The following NBPF3 variants were observed in gnomAD, a reference collection of about 807,000 sequenced individuals.
NBPF3 encodes NBPF member 3, also known as NBPF family member NBPF3.
Under a neutral mutation model 78.1 loss-of-function variants are expected in NBPF3, and 57 were observed. The observed-to-expected ratio is 0.73, with a 90% CI of 0.59 to 0.91. The LOEUF is 0.91. NBPF3 is among the 40% of genes least tolerant of loss of function. The pLI is 0.00. For missense variants in NBPF3, 510 were observed against 715.3 expected (o/e 0.71, Z 3.27); for synonymous variants, 182 against 271.7 (o/e 0.67, Z 3.25).
At position 21,460,420 on chromosome 1, in the gene NBPF3, T is replaced by C. The variant is rs1162583349; in HGVS notation, c.134-8268T>C. 6.6e-6 allele frequency among the ~76,000 whole-genome samples: 1 copy of C among 152,172 alleles called. No individual in the cohort carries two copies. The highest frequency in any genetic ancestry group is 1.5e-5 in the Non-Finnish European group (1 of 68,024). On this transcript the variant is annotated intron_variant, in intron 2 of 14. Coordinates refer to ENST00000318249, the MANE Select transcript of NBPF3 (RefSeq NM_032264.6). This position sits in a 1 kb window ranked among gnomAD's most constrained non-coding sequence, Gnocchi z 4.2. The stretch of plus-strand genomic sequence containing the variant: ...CCGTGGTGTGTGATGTTCCCCGCCC[T>C]GTGTCCAAGTGTTCTCATTGTTCAG...
intron 2 of NBPF3, among the ~76,000 whole-genome samples, chr1:21,447,753 C>G (rs1298953510): frequency 6.6e-6 from 1 of 152,214 alleles, no homozygotes; most frequent in Non-Finnish European, 1.5e-5. Context: ...TCCAAAGTGA[C>G]AGTACCCTTT....
At chr1:21,454,597 C>G (rs1641494642) in intron 2 of NBPF3, among the ~76,000 whole-genome samples, 1 of 152,146 alleles carries the variant, frequency 6.6e-6, no homozygotes, top group South Asian at 2.1e-4. Flanking sequence ...TCTTCTTCCT[C>G]TGAATTGAAC....
rs769337272 is a variant in NBPF3 at position 21,473,527 on chromosome 1, A to G, written c.882A>G (p.Ser294=). The change falls in exon 7 of 15, where the codon TCA becomes TCG. Residue 294 remains serine (S), a synonymous_variant. Coordinates refer to ENST00000318249, the MANE Select transcript of NBPF3 (RefSeq NM_032264.6). ...RITFEEDQVD[S]TLIDSSSHDE... ...CATTTGAGGAAGACCAAGTCGACTC[A>G]ACTCTCATTGACTCATCCTCTCATG... is the stretch of plus-strand genomic sequence containing the variant. 4.1e-5 allele frequency: 66 copies of G among 1,614,080 alleles called. No homozygotes were observed. The highest frequency in any genetic ancestry group is 5.1e-5 in the Non-Finnish European group (60 of 1,180,038).
rs148261967 is a variant in NBPF3 at position 21,457,348 on chromosome 1, GTATATATATATATA to G, written c.134-11338_134-11325del. Among the ~76,000 whole-genome samples the G allele has an allele frequency of 3.9e-4, 43 of 109,630 alleles. 1 individual carries two copies. In the South Asian group the frequency reaches 0.01, roughly 26 times the overall value. 71.9% of individuals were successfully genotyped at this position (109,630 alleles called of 152,430 possible). ...CAAAGGGTTTTTAGAGTGTGTGTGT[GTATATATATATATA>G]TGTATGTATATATATGTATGTATAT... On this transcript the variant is annotated intron_variant, in intron 2 of 14. Transcript: ENST00000318249.
Position 21,456,868 on chromosome 1 carries a change from G to A in NBPF3, c.133+11649G>A, listed in dbSNP as rs1475003320. On this transcript the variant is annotated intron_variant, in intron 2 of 14. Transcript: ENST00000318249. ...CATTATACTAGAGATCTAAATCAGT[G>A]CAATAAAGTAAGAAAAATAAAAGTA... 3.9e-5 allele frequency among the ~76,000 whole-genome samples: 6 copies of A among 152,250 alleles called. No individual in the cohort carries two copies. The East Asian group carries it at 7.7e-4, about 20-fold the overall frequency.
chr1:21,482,274 A>G (rs1643276784), intron 13 of NBPF3, among the ~76,000 whole-genome samples: 2 of 137,570 alleles, frequency 1.5e-5, no homozygotes, highest in African/African-American at 5.7e-5. Context: ...ATGATCTACC[A>G]GAATAGGGAC....
chr1:21,452,566 A>C (rs1380985158), intron 2 of NBPF3, among the ~76,000 whole-genome samples: 1 of 152,254 alleles, frequency 6.6e-6, no homozygotes, highest in Non-Finnish European at 1.5e-5. Flanking sequence ...ATTGCGGTGA[A>C]GAATTTCATT....
intron 2 of NBPF3, chr1:21,468,486 A>G: frequency 4.9e-6 from 7 of 1,443,146 alleles, no homozygotes; most frequent in Non-Finnish European, 6.4e-6. Flanking sequence ...AGACTGAGCT[A>G]TTGGCAGTGC....
chr1:21,468,785 C>T lies in NBPF3; in HGVS notation c.231C>T (p.Asn77=). The T allele has an allele frequency of 6.2e-7, 1 of 1,614,058 alleles. No homozygotes were observed. Among genetic ancestry groups the T allele is most frequent in the East Asian group, 2.2e-5 (1 of 44,878 alleles). Residue 77 remains asparagine, a synonymous_variant, in exon 3 of 15, where the codon AAC becomes AAT. Transcript: ENST00000318249. ...CAGAGATGAACATTCTAGAAATCAA[C>T]AAGAAATCGCGCCCCCAGCTGGCAG... ...EKAEMNILEI[N]KKSRPQLAEN... is the part of the protein sequence containing the mutation.
At chr1:21,472,250 A>C (rs919061005) in intron 5 of NBPF3, among the ~76,000 whole-genome samples, 31 of 152,182 alleles carry the variant, frequency 2.0e-4, no homozygotes, top group African/African-American at 7.5e-4. Flanking sequence ...AAGCATCCAA[A>C]TGTGGGAACA....
chr1:21,446,659 A>G (rs925164825), intron 2 of NBPF3, among the ~76,000 whole-genome samples: 19 of 143,878 alleles, frequency 1.3e-4, no homozygotes, highest in African/African-American at 4.9e-4. Flanking sequence ...TGTTCTCTCT[A>G]CTTTTTTGAA....
At chr1:21,470,063 C>A (rs995221650) in intron 3 of NBPF3, among the ~76,000 whole-genome samples, 1 of 152,206 alleles carries the variant, frequency 6.6e-6, no homozygotes, top group Non-Finnish European at 1.5e-5. Flanking sequence ...TAAATTAACA[C>A]AAACCTTAGT....
At chr1:21,465,908 C>G (rs3968526) in intron 2 of NBPF3, among the ~76,000 whole-genome samples, 1 of 152,174 alleles carries the variant, frequency 6.6e-6, no homozygotes, top group Non-Finnish European at 1.5e-5. Flanking sequence ...CAGTTGTGTT[C>G]ACTAGATCAG....
chr1:21,473,595 A>G lies in NBPF3; in HGVS notation c.940+10A>G, dbSNP rs765841678. ...GTATGCATTATCCCAGGTAGCCTCT[A>G]TTTTCCTGTGTCTCACACCTTTTCC... On this transcript the variant is annotated intron_variant, in intron 7 of 14. Coordinates refer to ENST00000318249, the MANE Select transcript of NBPF3 (RefSeq NM_032264.6). 9 of 1,609,878 alleles carry G rather than the reference A, an allele frequency of 5.6e-6. No homozygotes were observed. Among genetic ancestry groups the G allele is most frequent in the African/African-American group, 4.0e-5 (3 of 74,838 alleles).
chr1:21,451,506 C>G (rs1569953843), intron 2 of NBPF3, among the ~76,000 whole-genome samples: 2 of 152,288 alleles, frequency 1.3e-5, no homozygotes, highest in African/African-American at 4.8e-5. Context: ...GTAATTTTTT[C>G]TAACTGGAGA....
At chr1:21,437,462 A>AGGT, upstream of NBPF3, 1 of 1,443,910 alleles carries the variant, frequency 6.9e-7, no homozygotes, top group Non-Finnish European at 9.3e-7. Context: ...GACCGAGGGC[A>AGGT]CCATGCAGGT....
At position 21,473,116 on chromosome 1, in the gene NBPF3, C is replaced by T. The variant is rs548571741; in HGVS notation, c.734+201C>T. Among the ~76,000 whole-genome samples the T allele has an allele frequency of 5.9e-5, 9 of 152,242 alleles. No individual in the cohort carries two copies. The South Asian group carries it at 1.9e-3, about 32-fold the overall frequency. Reference sequence around the variant, plus strand: ...TGGTGGGTGTCATGTCTGTACCGTACAGGGATAGCTGAGTTTTCATCCTCC... The same window carrying T: ...TGGTGGGTGTCATGTCTGTACCGTATAGGGATAGCTGAGTTTTCATCCTCC... On this transcript the variant is annotated intron_variant, in intron 6 of 14. Transcript: ENST00000318249.
intron 2 of NBPF3, among the ~76,000 whole-genome samples, chr1:21,456,453 C>G (rs1229187964): frequency 2.0e-5 from 3 of 152,066 alleles, no homozygotes; most frequent in African/African-American, 7.2e-5. Flanking sequence ...TATACACTTT[C>G]ATGCATCTCA....
At chr1:21,451,949 A>G (rs1470185656) in intron 2 of NBPF3, 27 of 585,736 alleles carry the variant, frequency 4.6e-5, no homozygotes, top group Admixed American at 6.2e-5. Context: ...GAAAGATGCC[A>G]CCAGTAGTTT....
Sources: allele counts gnomAD v4.1 joint callset (sites outside exome capture counted in the v4.1 genomes callset), GRCh38; gene constraint gnomAD v4.1.1; non-coding constraint Gnocchi (gnomAD v3.1); transcripts MANE v1.5; gene names NCBI Gene and HGNC (gene_info 2026-07-23, HGNC 2026-07-21).